Variants in PAFAH1B1 observed in about 807,000 individuals in gnomAD.
The protein encoded by PAFAH1B1 is platelet activating factor acetylhydrolase 1b regulatory subunit 1.
PAFAH1B1 carries 2 observed loss-of-function variants against 57.5 expected under a neutral mutation model. The ratio of observed to expected loss-of-function variants is 0.03; its 90% CI spans 0.01 to 0.11. The LOEUF (loss-of-function observed/expected upper bound fraction) is 0.11. PAFAH1B1 is among the 10% of genes least tolerant of loss of function. The pLI is 1.00. For synonymous variants in PAFAH1B1, 152 were observed against 169.6 expected (o/e 0.90, Z 0.81); for missense variants, 257 against 512.0 (o/e 0.50, Z 4.81).
At chr17:2,656,187 G>A (rs1161218677) in intron 2 of PAFAH1B1, among the ~76,000 whole-genome samples, 1 of 152,106 alleles carries the variant, frequency 6.6e-6, no homozygotes, top group African/African-American at 2.4e-5. Context: ...GCCTCCCAAA[G>A]TGCTGGGATT....
Position 2,655,679 on chromosome 17 carries a change from A to AT in PAFAH1B1, c.33-9691dup, listed in dbSNP as rs201563370. ...AACACATCACAGAAGAGGAAGGGAG[A>AT]TTCTTTTGTAGTTGCTACGTGTGAC... On this transcript the variant is annotated intron_variant, in intron 2 of 10. Transcript: ENST00000397195. Among the ~76,000 whole-genome samples, 133 of 151,932 alleles carry AT rather than the reference A, an allele frequency of 8.8e-4. 3 individuals carry two copies. In the East Asian group the frequency reaches 0.022, roughly 26 times the overall value.
rs752337380 is a variant in PAFAH1B1 at position 2,684,444 on chromosome 17, T to C, written c.*2642T>C. On this transcript the variant is annotated 3_prime_UTR_variant, in exon 11 of 11. Coordinates refer to ENST00000397195, the MANE Select transcript of PAFAH1B1 (RefSeq NM_000430.4). ...ATTGGTTTAGAGGTTCACTGCTGCT[T>C]TGTCACTTTCTCAATCAAATTGGCC... 2 of 152,656 alleles carry C rather than the reference T, an allele frequency of 1.3e-5. No homozygotes were observed. Among genetic ancestry groups the C allele is most frequent in the Non-Finnish European group, 1.5e-5 (1 of 68,058 alleles). 9.5% of individuals were successfully genotyped at this position (152,656 alleles called of 1,614,324 possible). A position where few individuals can be genotyped will look rare whatever the true frequency, so the allele number is the denominator to read the frequency against.
chr17:2,608,163 C>T (rs1273778417), intron 1 of PAFAH1B1, among the ~76,000 whole-genome samples: 1 of 152,026 alleles, frequency 6.6e-6, no homozygotes, highest in African/African-American at 2.4e-5. Context: ...CAGCTCACTG[C>T]AACCTCCACC....
rs1555526142 is a variant in PAFAH1B1, at chr17:2,664,665, G to GCTCGCTCGCTCTCT, written c.33-704_33-703insGCTCGCTCTCTCTC. On this transcript the variant is annotated intron_variant, in intron 2 of 10. Coordinates refer to ENST00000397195, the MANE Select transcript of PAFAH1B1 (RefSeq NM_000430.4). ...TGATATATATCTATATCTATCTATC[G>GCTCGCTCGCTCTCT]CTCTCTCTCTCTCTCTCTCTCTCTC... Among the ~76,000 whole-genome samples the GCTCGCTCGCTCTCT allele has an allele frequency of 1.4e-3, 119 of 86,078 alleles. 4 individuals are homozygous for GCTCGCTCGCTCTCT. Among genetic ancestry groups the GCTCGCTCGCTCTCT allele is most frequent in the African/African-American group, 4.1e-3 (106 of 25,654 alleles). 56.5% of individuals were successfully genotyped at this position (86,078 alleles called of 152,430 possible).
intron 1 of PAFAH1B1, among the ~76,000 whole-genome samples, chr17:2,616,945 C>T (rs1027061234): frequency 5.9e-5 from 9 of 151,476 alleles, no homozygotes; most frequent in African/African-American, 2.2e-4. Context: ...TGGTGGCGAG[C>T]GTCTGTAGTC....
At chr17:2,634,608 C>A (rs189013790) in intron 1 of PAFAH1B1, among the ~76,000 whole-genome samples, 328 of 152,172 alleles carry the variant, frequency 2.2e-3, no homozygotes, top group African/African-American at 7.7e-3. Flanking sequence ...TCATCTGTAA[C>A]CTTCATTACT....
chr17:2,643,376 C>A (rs190478403), intron 2 of PAFAH1B1, among the ~76,000 whole-genome samples: 1 of 152,138 alleles, frequency 6.6e-6, no homozygotes, highest in Non-Finnish European at 1.5e-5. Context: ...GCCTCTGCCC[C>A]CCTAATAGCT....
rs182362616 is a variant in PAFAH1B1 at position 2,601,103 on chromosome 17, A to G, written c.-191+7097A>G. Reference sequence around the variant, plus strand: ...TCAGAGAAAATGAAATAAGCTGTTGACTAAACTCATACATGAATATTTATT... The same window carrying G: ...TCAGAGAAAATGAAATAAGCTGTTGGCTAAACTCATACATGAATATTTATT... On this transcript the variant is annotated intron_variant, in intron 1 of 10. Coordinates refer to ENST00000397195, the MANE Select transcript of PAFAH1B1 (RefSeq NM_000430.4). 2.0e-5 allele frequency among the ~76,000 whole-genome samples: 3 copies of G among 152,286 alleles called. No individual in the cohort carries two copies. In the East Asian group the frequency reaches 5.8e-4, roughly 29 times the overall value.
intron 1 of PAFAH1B1, among the ~76,000 whole-genome samples, chr17:2,628,304 C>T (rs1021844416): frequency 7.9e-5 from 12 of 152,024 alleles, no homozygotes; most frequent in African/African-American, 2.4e-4. Context: ...TTTTGTTGAA[C>T]GCTTTTTCTA....
rs1324365304 is a variant in PAFAH1B1, at chr17:2,683,386, C to A, written c.*1584C>A. Reference sequence around the variant, plus strand: ...GTGACAGTTTAACAAAGATAAAATTCTGAACTGCGTTTTATTCATTTGTGT... The same window carrying A: ...GTGACAGTTTAACAAAGATAAAATTATGAACTGCGTTTTATTCATTTGTGT... On this transcript the variant is annotated 3_prime_UTR_variant, in exon 11 of 11. Coordinates refer to ENST00000397195, the MANE Select transcript of PAFAH1B1 (RefSeq NM_000430.4). 6.6e-6 allele frequency: 1 copy of A among 152,146 alleles called. No homozygotes were observed. The highest frequency in any genetic ancestry group is 2.1e-4 in the South Asian group (1 of 4,832). 9.4% of individuals were successfully genotyped at this position (152,146 alleles called of 1,614,324 possible).
intron 1 of PAFAH1B1, among the ~76,000 whole-genome samples, chr17:2,615,645 T>C (rs1031980929): frequency 6.6e-6 from 1 of 152,012 alleles, no homozygotes; most frequent in Non-Finnish European, 1.5e-5. Flanking sequence ...TTCACCATCT[T>C]GGCCAGGCTG....
At chr17:2,633,509 TA>T (rs2068582633) in intron 1 of PAFAH1B1, among the ~76,000 whole-genome samples, 5 of 151,816 alleles carry the variant, frequency 3.3e-5, no homozygotes. Flanking sequence ...GCATCATACC[TA>T]GACTATCAGG....
intron 2 of PAFAH1B1, among the ~76,000 whole-genome samples, chr17:2,657,480 G>A (rs1392072427): frequency 6.6e-6 from 1 of 152,246 alleles, no homozygotes; most frequent in African/African-American, 2.4e-5. Flanking sequence ...CTGACCTCAA[G>A]TGATCCACCC....
chr17:2,670,036 T>C lies in PAFAH1B1; in HGVS notation c.400-127T>C, dbSNP rs1345954534. ...TACATGAGATACAATATTTCTAAAA[T>C]AGTTATCCTTTGTTACTTGTTCGGT... On this transcript the variant is annotated intron_variant, in intron 5 of 10. Transcript: ENST00000397195. 1.2e-5 allele frequency: 10 copies of C among 801,868 alleles called. No homozygotes were observed. The South Asian group carries it at 1.3e-4, about 10-fold the overall frequency. The allele number at this position is 801,868 out of a possible 1,614,324, so 49.7% of individuals were successfully genotyped here.
chr17:2,668,543 G>C (rs551540333), intron 5 of PAFAH1B1, among the ~76,000 whole-genome samples: 1 of 152,078 alleles, frequency 6.6e-6, no homozygotes, highest in East Asian at 1.9e-4. Context: ...GCCAGGTATG[G>C]TGGTGCATGC....
At chr17:2,609,174 AT>A (rs1026408697) in intron 1 of PAFAH1B1, among the ~76,000 whole-genome samples, 12 of 151,780 alleles carry the variant, frequency 7.9e-5, no homozygotes, top group African/African-American at 1.4e-4. Context: ...GCCTTCTTGA[AT>A]TTTTTTTTCC....
At chr17:2,599,625 T>G (rs1221546277) in intron 1 of PAFAH1B1, among the ~76,000 whole-genome samples, 1 of 152,204 alleles carries the variant, frequency 6.6e-6, no homozygotes, top group Admixed American at 6.6e-5. Context: ...TTGACTCCGG[T>G]GATCTCAAGA....
At chr17:2,597,285 A>G (rs1412804974) in intron 1 of PAFAH1B1, among the ~76,000 whole-genome samples, 2 of 151,694 alleles carry the variant, frequency 1.3e-5, no homozygotes, top group African/African-American at 4.8e-5. Context: ...TTTTAGTACA[A>G]TTTTTTGTTA....
chr17:2,611,254 G>C (rs1464461858), intron 1 of PAFAH1B1, among the ~76,000 whole-genome samples: 1 of 152,004 alleles, frequency 6.6e-6, no homozygotes, highest in Non-Finnish European at 1.5e-5. Flanking sequence ...CGGATCATGA[G>C]GTCAGGAGTT....
Sources: allele counts gnomAD v4.1 joint callset (sites outside exome capture counted in the v4.1 genomes callset), GRCh38; gene constraint gnomAD v4.1.1; transcripts MANE v1.5; gene names NCBI Gene and HGNC (gene_info 2026-07-23, HGNC 2026-07-21).